The following MEGF10 variants were observed in gnomAD, a reference collection of about 807,000 sequenced individuals.
MEGF10 encodes multiple epidermal growth factor-like domains protein 10.
Under a neutral mutation model 147.5 loss-of-function variants are expected in MEGF10, and 86 were observed. The observed-to-expected ratio is 0.58, with a 90% CI of 0.49 to 0.70. MEGF10 has a LOEUF of 0.70. MEGF10 is among the 30% of genes least tolerant of loss of function. The probability of loss-of-function intolerance (pLI) is 0.00; values close to 1 mark genes in which losing one functional copy is unlikely to be tolerated. For synonymous variants in MEGF10, 478 were observed against 525.5 expected, an observed-to-expected ratio of 0.91 and a Z score of 1.24; for missense variants, 1,329 against 1,487.3, an observed-to-expected ratio of 0.89 and a Z score of 1.75.
chr5:127,400,740 G>A (rs1764095080), intron 7 of MEGF10, among the ~76,000 whole-genome samples: 1 of 152,170 alleles, frequency 6.6e-6, no homozygotes, highest in Admixed American at 6.5e-5. Context: ...CCACAGGCTT[G>A]GGTTATGAGT....
the MEGF10 span, among the ~76,000 whole-genome samples, chr5:127,259,080 G>T: frequency 7.9e-5 from 12 of 152,138 alleles, no homozygotes; most frequent in Admixed American, 3.3e-4. Flanking sequence ...TTTATGAGAT[G>T]ATCTGAGCTT....
intron 21 of MEGF10, among the ~76,000 whole-genome samples, chr5:127,448,157 A>G (rs1175949146): frequency 6.6e-6 from 1 of 152,234 alleles, no homozygotes. Context: ...TTTAGTAACA[A>G]CAACAGTAAT....
intron 9 of MEGF10, among the ~76,000 whole-genome samples, chr5:127,412,530 C>G (rs892649729): frequency 6.6e-6 from 1 of 152,106 alleles, no homozygotes; most frequent in Non-Finnish European, 1.5e-5. Context: ...TAAAGCCTTC[C>G]ATTATAATTA....
chr5:127,385,449 T>A (rs1266097726), intron 5 of MEGF10, among the ~76,000 whole-genome samples: 1 of 152,188 alleles, frequency 6.6e-6, no homozygotes, highest in Non-Finnish European at 1.5e-5. Flanking sequence ...ATTTTTGTAT[T>A]TTTAGTAGAG....
rs147277457 is a variant in MEGF10 at position 127,354,979 on chromosome 5, T to A, written c.319+14349T>A. The stretch of plus-strand genomic sequence containing the variant: ...ACTGAAGATAGTTTCTTTCCCTACC[T>A]TACAATTATGTGAGGACACATTTAA... On this transcript the variant is annotated intron_variant, in intron 4 of 24. Transcript: ENST00000503335. Among the ~76,000 whole-genome samples the A allele has an allele frequency of 1.3e-4, 20 of 152,336 alleles. No homozygotes were observed. The East Asian group carries it at 3.9e-3, about 29-fold the overall frequency.
chr5:127,353,210 G>A (rs1028257871), intron 4 of MEGF10, among the ~76,000 whole-genome samples: 5 of 152,202 alleles, frequency 3.3e-5, no homozygotes, highest in African/African-American at 4.8e-5. Flanking sequence ...AGAGAGACTC[G>A]TGATCCCCAC....
At chr5:127,391,159 T>C (rs1318923) in intron 5 of MEGF10, among the ~76,000 whole-genome samples, 1,690 of 23,772 alleles carry the variant, frequency 0.071, 46 homozygotes, top group Non-Finnish European at 0.21. Flanking sequence ...CACACATACA[T>C]GCTTATTTCT....
intron 1 of MEGF10, among the ~76,000 whole-genome samples, chr5:127,325,756 T>G (rs1760988464): frequency 6.6e-6 from 1 of 151,648 alleles, no homozygotes; most frequent in Non-Finnish European, 1.5e-5. Flanking sequence ...TTCATGCTAA[T>G]GTTTAGGGAT....
chr5:127,349,918 C>G (rs1490986997), intron 4 of MEGF10, among the ~76,000 whole-genome samples: 1 of 152,066 alleles, frequency 6.6e-6, no homozygotes, highest in African/African-American at 2.4e-5. Context: ...TTGTGCATAT[C>G]TTTGGTCATT....
At chr5:127,391,097 C>CGT (rs1763656509) in intron 5 of MEGF10, among the ~76,000 whole-genome samples, 3 of 35,416 alleles carry the variant, frequency 8.5e-5, no homozygotes, top group East Asian at 4.9e-4. Flanking sequence ...TGCGCGCGCG[C>CGT]GCGCGCACAC....
chr5:127,306,213 G>A (rs1019142838), intron 1 of MEGF10, among the ~76,000 whole-genome samples: 3 of 152,160 alleles, frequency 2.0e-5, no homozygotes, highest in Admixed American at 6.5e-5. Context: ...CCATTCACTG[G>A]TACATAAGAG....
chr5:127,326,199 G>A (rs979791450), intron 1 of MEGF10, among the ~76,000 whole-genome samples: 3 of 151,778 alleles, frequency 2.0e-5, no homozygotes, highest in Non-Finnish European at 4.4e-5. Context: ...ATGGGAGTGA[G>A]CCACCGCACC....
At chr5:127,316,942 G>A (rs2126752443) in intron 1 of MEGF10, among the ~76,000 whole-genome samples, 2 of 152,288 alleles carry the variant, frequency 1.3e-5, no homozygotes, top group Middle Eastern at 6.8e-3. Flanking sequence ...TGAGAATTAA[G>A]TTGAGCAGAT....
At chr5:127,407,144 G>C (rs1432031521) in intron 8 of MEGF10, among the ~76,000 whole-genome samples, 1 of 152,208 alleles carries the variant, frequency 6.6e-6, no homozygotes, top group Non-Finnish European at 1.5e-5. Flanking sequence ...TCTTTCCTGT[G>C]TCTAGGAGCG....
chr5:127,445,286 A>T, intron 19 of MEGF10, 171 bp from the exon 20 acceptor site: 1 of 620,250 alleles, frequency 1.6e-6, no homozygotes. Flanking sequence ...ATAGGCCGAC[A>T]ACATCTGACA....
At chr5:127,444,376 A>T (rs1007572118) in intron 19 of MEGF10, 1 of 152,260 alleles carries the variant, frequency 6.6e-6, no homozygotes, top group Non-Finnish European at 1.5e-5. Flanking sequence ...TTATCACGTC[A>T]TAATTACAAA....
the MEGF10 span, among the ~76,000 whole-genome samples, chr5:127,258,756 C>G: frequency 6.6e-6 from 1 of 152,092 alleles, no homozygotes; most frequent in African/African-American, 2.4e-5. Flanking sequence ...CTCTTTTTGT[C>G]CTTCTGCCAT....
intron 1 of MEGF10, among the ~76,000 whole-genome samples, chr5:127,321,346 A>G: frequency 6.6e-6 from 1 of 152,038 alleles, no homozygotes; most frequent in African/African-American, 2.4e-5. Context: ...AACTCTTGGG[A>G]GCCAAGTAAA....
rs373990545 is a variant in MEGF10, at chr5:127,419,219, G to A, written c.1405G>A (p.Gly469Arg). The change falls in exon 11 of 25, where the codon GGG (glycine) becomes AGG (arginine). Residue 469 changes from glycine (G) to arginine (R), a missense_variant. Physicochemically the swap from Gly to Arg is moderately radical, Grantham distance 125 (BLOSUM62 -2). This residue lies in a region of MEGF10 where 980 missense variants were observed against 1,085.9 expected (regional missense o/e 0.90). Coordinates refer to ENST00000503335, the MANE Select transcript of MEGF10 (RefSeq NM_001256545.2). ...KNDAVCSPVDGSCTCKAGWHG... is the reference protein window; with the variant it reads ...KNDAVCSPVDRSCTCKAGWHG... ...TGATGCAGTCTGCTCTCCTGTGGAC[G>A]GGTCTTGTACTTGCAAGGCAGGTAA... is the stretch of plus-strand genomic sequence containing the variant. The A allele has an allele frequency of 6.2e-6, 10 of 1,613,610 alleles. No homozygotes were observed. Among genetic ancestry groups the A allele is most frequent in the African/African-American group, 2.7e-5 (2 of 74,888 alleles).
Sources: allele counts gnomAD v4.1 joint callset (sites outside exome capture counted in the v4.1 genomes callset), GRCh38; gene constraint gnomAD v4.1.1; regional missense constraint gnomAD v4.1.1; transcripts MANE v1.5; gene names NCBI Gene and HGNC (gene_info 2026-07-23, HGNC 2026-07-21).